Variants in STK39 observed in about 807,000 individuals in gnomAD.
STK39 encodes STE20/SPS1-related proline-alanine-rich protein kinase.
Under a neutral mutation model 77.8 loss-of-function variants are expected in STK39, and 20 were observed. The observed-to-expected ratio is 0.26, with a 90% CI of 0.18 to 0.37. The LOEUF is 0.37. STK39 is among the 10% of genes least tolerant of loss of function. The pLI, the probability that STK39 is intolerant of heterozygous loss-of-function variation, is 1.00. For synonymous variants in STK39, 246 were observed against 234.1 expected (o/e 1.05, Z -0.47); for missense variants, 479 against 656.5 (o/e 0.73, Z 2.95).
At chr2:168,213,827 A>G (rs55705213) in intron 1 of STK39, among the ~76,000 whole-genome samples, 61,124 of 152,052 alleles carry the variant, frequency 0.4, 12,508 homozygotes, top group East Asian at 0.51. Context: ...TAATGAATAT[A>G]TATGACTTTA....
intron 5 of STK39, among the ~76,000 whole-genome samples, chr2:168,155,793 C>T (rs1240448082): frequency 1.3e-5 from 2 of 152,184 alleles, no homozygotes; most frequent in Non-Finnish European, 2.9e-5. Flanking sequence ...ATATTTCTGC[C>T]TCCCTCCCTG....
At chr2:168,245,843 T>C (rs1690883899) in intron 1 of STK39, among the ~76,000 whole-genome samples, 1 of 152,210 alleles carries the variant, frequency 6.6e-6, no homozygotes, top group African/African-American at 2.4e-5. Context: ...TCAAAAATTA[T>C]GAAAGATCTG....
intron 1 of STK39, among the ~76,000 whole-genome samples, chr2:168,223,752 G>C (rs1181555815): frequency 1.3e-5 from 2 of 152,060 alleles, no homozygotes; most frequent in Non-Finnish European, 2.9e-5. Flanking sequence ...TCGCAGGAAT[G>C]AGGAACGGAT....
At chr2:168,200,036 ATC>A in intron 1 of STK39, among the ~76,000 whole-genome samples, 1 of 152,284 alleles carries the variant, frequency 6.6e-6, no homozygotes, top group East Asian at 1.9e-4. Context: ...CTGAATCACA[ATC>A]TCTCACATTC....
chr2:167,965,845 G>A (rs1423015568), intron 16 of STK39, among the ~76,000 whole-genome samples: 1 of 152,142 alleles, frequency 6.6e-6, no homozygotes, highest in Non-Finnish European at 1.5e-5. Context: ...GTAGAAAGTA[G>A]TAAGAAATCT....
chr2:168,004,023 A>G (rs890522534), intron 16 of STK39, among the ~76,000 whole-genome samples: 4 of 152,242 alleles, frequency 2.6e-5, no homozygotes, highest in Admixed American at 6.5e-5. Context: ...CCCTGACTGT[A>G]GCAGAAAGAA....
In STK39 at chr2:168,064,198, G is replaced by A. The variant is rs559481357; in HGVS notation, c.1306-628C>T. ...AGCCATTCTCTGAATAACGCCTGCC[G>A]TAAAAGGTTGCAGGGAGAATAAAAT... is the stretch of plus-strand genomic sequence containing the variant. On this transcript the variant is annotated intron_variant, in intron 13 of 17. Coordinates refer to ENST00000355999, the MANE Select transcript of STK39 (RefSeq NM_013233.3). Among the ~76,000 whole-genome samples the A allele has an allele frequency of 3.9e-5, 6 of 152,284 alleles. No homozygotes were observed. In the South Asian group the frequency reaches 8.3e-4, roughly 21 times the overall value.
intron 12 of STK39, among the ~76,000 whole-genome samples, chr2:168,070,824 A>T (rs1158239208): frequency 1.3e-5 from 2 of 152,170 alleles, no homozygotes; most frequent in Non-Finnish European, 2.9e-5. Flanking sequence ...GGTTAGGAAC[A>T]CAAGGCCAAT....
intron 10 of STK39, among the ~76,000 whole-genome samples, chr2:168,108,727 C>T (rs183287906): frequency 1.5e-3 from 227 of 152,236 alleles, no homozygotes; most frequent in Non-Finnish European, 2.5e-3. Context: ...CTCAATGAAT[C>T]GATAAGCAAT....
chr2:168,170,281 T>C (rs1179842485), intron 2 of STK39, among the ~76,000 whole-genome samples: 1 of 152,208 alleles, frequency 6.6e-6, no homozygotes, highest in Non-Finnish European at 1.5e-5. Context: ...CGCATTCATA[T>C]GGTTAGGAAA....
intron 1 of STK39, among the ~76,000 whole-genome samples, chr2:168,201,961 A>C (rs1324685869): frequency 1.3e-5 from 2 of 152,222 alleles, no homozygotes; most frequent in Non-Finnish European, 1.5e-5. Context: ...TGCTTGAAAG[A>C]GCTCTGAAAG....
intron 10 of STK39, among the ~76,000 whole-genome samples, chr2:168,087,318 A>G (rs10169735): frequency 0.43 from 65,725 of 152,094 alleles, 15,764 homozygotes; most frequent in East Asian, 0.55. Flanking sequence ...CAACAGAGAA[A>G]CACACTGCGA....
chr2:168,235,916 C>T (rs1021150517), intron 1 of STK39, among the ~76,000 whole-genome samples: 9 of 152,136 alleles, frequency 5.9e-5, no homozygotes, highest in African/African-American at 9.6e-5. Flanking sequence ...AATAAACATA[C>T]GTGTGCATGT....
chr2:168,074,941 G>C, intron 12 of STK39, 41 bp downstream of exon 12: 4 of 1,605,740 alleles, frequency 2.5e-6, no homozygotes, highest in Non-Finnish European at 3.4e-6. Context: ...CACAAGAAAG[G>C]AATGAAATGG....
chr2:168,138,630 T>A (rs1687899018), intron 7 of STK39, among the ~76,000 whole-genome samples: 1 of 152,174 alleles, frequency 6.6e-6, no homozygotes, highest in African/African-American at 2.4e-5. Context: ...GAACTGCCTG[T>A]ACTCAAGGCT....
At chr2:168,076,885 G>GA (rs1177248507) in intron 10 of STK39, among the ~76,000 whole-genome samples, 1 of 152,070 alleles carries the variant, frequency 6.6e-6, no homozygotes, top group African/African-American at 2.4e-5. Context: ...AAGTACTATA[G>GA]AAAAAATGCC....
At chr2:168,124,429 C>G (rs1322105752) in intron 10 of STK39, among the ~76,000 whole-genome samples, 1 of 152,144 alleles carries the variant, frequency 6.6e-6, no homozygotes, top group Non-Finnish European at 1.5e-5. Context: ...GAGGCGGAGT[C>G]TCGATCTGTT....
intron 1 of STK39, among the ~76,000 whole-genome samples, chr2:168,246,499 G>C (rs1345899389): frequency 6.6e-6 from 1 of 152,264 alleles, no homozygotes; most frequent in Non-Finnish European, 1.5e-5. Context: ...GCATCGGCCC[G>C]GTGCAGGGCA....
intron 10 of STK39, among the ~76,000 whole-genome samples, chr2:168,095,851 G>A (rs983789722): frequency 9.2e-5 from 14 of 151,914 alleles, no homozygotes; most frequent in African/African-American, 2.9e-4. Context: ...CCAAGATGAC[G>A]ACTATGCTTT....
Sources: gnomAD v4.1 joint callset for allele counts (sites outside exome capture counted in the v4.1 genomes callset) on GRCh38, gnomAD v4.1.1 for gene constraint, MANE v1.5 for transcripts, NCBI Gene and HGNC (gene_info 2026-07-23, HGNC 2026-07-21) for gene names.